The following LRRC8D variants were observed in gnomAD, a reference collection of about 807,000 sequenced individuals.
LRRC8D encodes leucine rich repeat containing 8 VRAC subunit D.
LRRC8D carries 20 observed loss-of-function variants against 55.8 expected under a neutral mutation model. The ratio of observed to expected loss-of-function variants is 0.36; its 90% CI spans 0.25 to 0.52. The LOEUF is 0.52. Among genes scored for constraint, LRRC8D ranks in the 20% least tolerant of loss-of-function variants. LRRC8D has a pLI of 0.93. For synonymous variants in LRRC8D, 352 were observed against 377.0 expected, an observed-to-expected ratio of 0.93 and a Z score of 0.77; for missense variants, 651 against 1,030.8, an observed-to-expected ratio of 0.63 and a Z score of 5.05.
intron 1 of LRRC8D, among the ~76,000 whole-genome samples, chr1:89,834,456 C>T (rs1660958884): frequency 6.6e-6 from 1 of 152,196 alleles, no homozygotes; most frequent in Non-Finnish European, 1.5e-5. Context: ...AAAACTGAGG[C>T]TCAGTGTGTT....
chr1:89,848,513 T>G (rs1404370326), intron 2 of LRRC8D, among the ~76,000 whole-genome samples: 5 of 152,088 alleles, frequency 3.3e-5, no homozygotes, highest in Admixed American at 3.3e-4. Context: ...TCATTCTGCT[T>G]GAGATAGGTT....
At chr1:89,834,393 T>TTTC in intron 1 of LRRC8D, among the ~76,000 whole-genome samples, 1 of 152,314 alleles carries the variant, frequency 6.6e-6, no homozygotes, top group Admixed American at 6.5e-5. Context: ...TCTGTTCTAT[T>TTTC]CTTATATCAG....
At chr1:89,901,956 AC>A (rs1199758674) in intron 2 of LRRC8D, among the ~76,000 whole-genome samples, 4 of 152,098 alleles carry the variant, frequency 2.6e-5, no homozygotes, top group Non-Finnish European at 5.9e-5. Flanking sequence ...GCTTTGCTCT[AC>A]CCTTTTCTCT....
At chr1:89,913,597 T>C (rs777472443) in intron 2 of LRRC8D, among the ~76,000 whole-genome samples, 1 of 152,246 alleles carries the variant, frequency 6.6e-6, no homozygotes, top group Non-Finnish European at 1.5e-5. Flanking sequence ...ATAGGATACA[T>C]GTGCATATTA....
chr1:89,889,438 G>A (rs1662505493), intron 2 of LRRC8D, among the ~76,000 whole-genome samples: 1 of 152,070 alleles, frequency 6.6e-6, no homozygotes, highest in Non-Finnish European at 1.5e-5. Flanking sequence ...CAAAAAGTGT[G>A]GGCTTTAGTG....
chr1:89,854,208 T>C (rs1311702985), intron 2 of LRRC8D, among the ~76,000 whole-genome samples: 1 of 152,142 alleles, frequency 6.6e-6, no homozygotes, highest in Non-Finnish European at 1.5e-5. Flanking sequence ...TTGGATATTT[T>C]CAGTAAAGGA....
At chr1:89,832,465 C>CT (rs1660910884) in intron 1 of LRRC8D, among the ~76,000 whole-genome samples, 1 of 152,180 alleles carries the variant, frequency 6.6e-6, no homozygotes, top group Non-Finnish European at 1.5e-5. Context: ...ACTGGAATAA[C>CT]TTTAAATTTC....
At chr1:89,878,835 T>G (rs1195878442) in intron 2 of LRRC8D, among the ~76,000 whole-genome samples, 1 of 151,782 alleles carries the variant, frequency 6.6e-6, no homozygotes, top group Non-Finnish European at 1.5e-5. Context: ...GGCATGGTAG[T>G]GGGCACCTGT....
intron 2 of LRRC8D, chr1:89,929,738 T>C (rs1663652721): frequency 6.6e-6 from 1 of 152,254 alleles, no homozygotes; most frequent in Admixed American, 6.5e-5. Flanking sequence ...TATGCATGTA[T>C]GTATGTATTC....
chr1:89,936,352 A>G lies in LRRC8D; in HGVS notation c.*707A>G, dbSNP rs1663855836. On this transcript the variant is annotated 3_prime_UTR_variant, in exon 3 of 3. Transcript: ENST00000337338. ...TGACATAGTTTGGAGTTCTGATTAT[A>G]TGGTACATTTTTCTACCAGTAATAT... 6.0e-6 allele frequency: 1 copy of G among 167,130 alleles called. No individual in the cohort carries two copies. The highest frequency in any genetic ancestry group is 1.9e-4 in the East Asian group (1 of 5,196). 10.4% of individuals were successfully genotyped at this position (167,130 alleles called of 1,614,324 possible). A position where few individuals can be genotyped will look rare whatever the true frequency, so the allele number is the denominator to read the frequency against.
At chr1:89,907,183 CTTTTTTTTTTT>C (rs71584958) in intron 2 of LRRC8D, among the ~76,000 whole-genome samples, 3 of 69,774 alleles carry the variant, frequency 4.3e-5, no homozygotes, top group Non-Finnish European at 8.3e-5. Flanking sequence ...TCCACTGTGT[CTTTTTTTTTTT>C]TTTTTTTTTT....
chr1:89,874,029 G>T (rs899554132), intron 2 of LRRC8D, among the ~76,000 whole-genome samples: 1 of 152,194 alleles, frequency 6.6e-6, no homozygotes, highest in African/African-American at 2.4e-5. Context: ...TCACAAATGG[G>T]ATAGTCTAAG....
At chr1:89,826,126 AGT>A (rs1463339770) in intron 1 of LRRC8D, among the ~76,000 whole-genome samples, 1 of 152,194 alleles carries the variant, frequency 6.6e-6, no homozygotes, top group Non-Finnish European at 1.5e-5. Flanking sequence ...TGAGGGGAAA[AGT>A]GTTGCTGTCC....
At chr1:89,862,282 C>T (rs1203239267) in intron 2 of LRRC8D, among the ~76,000 whole-genome samples, 1 of 152,096 alleles carries the variant, frequency 6.6e-6, no homozygotes, top group Non-Finnish European at 1.5e-5. Flanking sequence ...TTGTTATTTT[C>T]TTACATCTAG....
chr1:89,916,464 C>T (rs1054791255), intron 2 of LRRC8D, among the ~76,000 whole-genome samples: 6 of 152,264 alleles, frequency 3.9e-5, no homozygotes, highest in Middle Eastern at 3.4e-3. Flanking sequence ...TGTATTACTT[C>T]GAAAGGCCAA....
intron 1 of LRRC8D, among the ~76,000 whole-genome samples, chr1:89,842,370 C>T (rs1661157842): frequency 6.6e-6 from 1 of 152,148 alleles, no homozygotes; most frequent in Non-Finnish European, 1.5e-5. Flanking sequence ...TTCTCTGACC[C>T]TGTTTCCTCA....
At chr1:89,924,379 C>T (rs1663501181) in intron 2 of LRRC8D, among the ~76,000 whole-genome samples, 1 of 152,210 alleles carries the variant, frequency 6.6e-6, no homozygotes, top group Non-Finnish European at 1.5e-5. Context: ...GATACCCTCT[C>T]ACACCAGAAT....
At chr1:89,864,948 T>C (rs1661805520) in intron 2 of LRRC8D, among the ~76,000 whole-genome samples, 1 of 152,196 alleles carries the variant, frequency 6.6e-6, no homozygotes, top group Admixed American at 6.5e-5. Flanking sequence ...TTTGGGTAAC[T>C]CCTGTGTCTT....
At chr1:89,871,256 T>C (rs1377400543) in intron 2 of LRRC8D, among the ~76,000 whole-genome samples, 1 of 152,246 alleles carries the variant, frequency 6.6e-6, no homozygotes, top group Non-Finnish European at 1.5e-5. Context: ...TAGGGTTAAA[T>C]GTCACAGTCT....
Sources: gnomAD v4.1 joint callset for allele counts (sites outside exome capture counted in the v4.1 genomes callset) on GRCh38, gnomAD v4.1.1 for gene constraint, MANE v1.5 for transcripts, NCBI Gene and HGNC (gene_info 2026-07-23, HGNC 2026-07-21) for gene names.